Variants in MGST1 observed in about 807,000 individuals in gnomAD.
MGST1 encodes the protein glutathione S-transferase 12.
In MGST1, 5 loss-of-function variants were observed where a neutral mutation model predicts 8.9. The ratio of observed to expected loss-of-function variants is 0.56; its 90% confidence interval spans 0.29 to 1.19. The LOEUF is 1.19. Among genes scored for constraint, MGST1 ranks in the 50% most tolerant of loss-of-function variants. The probability of loss-of-function intolerance (pLI) is 0.08; values close to 1 mark genes in which losing one functional copy is unlikely to be tolerated. For synonymous variants in MGST1, 54 were observed against 67.8 expected (o/e 0.80, Z 1.00); for missense variants, 182 against 187.4 (o/e 0.97, Z 0.17).
In MGST1 at chr12:16,559,599, C is replaced by CAAAG; in HGVS notation, n.483-29927_483-29924dup. Among the ~76,000 whole-genome samples, 1 of 151,920 alleles carries CAAAG rather than the reference C, an allele frequency of 6.6e-6. No individual in the cohort carries two copies. Among genetic ancestry groups the CAAAG allele is most frequent in the Admixed American group, 6.6e-5 (1 of 15,248 alleles). On this transcript the variant is annotated intron_variant and non_coding_transcript_variant, in intron 4 of 4. Coordinates refer to the MGST1 transcript ENST00000538857. This position sits in a 1 kb window ranked among gnomAD's most constrained non-coding sequence, Gnocchi z 4.1. ...TATTAGCTATATCTGGACTGATTCTCAAAGATATTTGAAGTAACTGCAAAA... is the reference window on the plus strand; with the variant it reads ...TATTAGCTATATCTGGACTGATTCTCAAAGAAAGATATTTGAAGTAACTGCAAAA...
At chr12:16,551,921 CTTTG>C (rs924908069) in intron 4 of MGST1, among the ~76,000 whole-genome samples, 6 of 151,874 alleles carry the variant, frequency 4.0e-5, no homozygotes, top group Non-Finnish European at 5.9e-5. Context: ...AGCCATTTTC[CTTTG>C]TTTGTGGCAA....
chr12:16,347,874 G>T lies in MGST1; in HGVS notation c.-23+164G>T, dbSNP rs772564567. 2 of 152,240 alleles carry T rather than the reference G, an allele frequency of 1.3e-5. No homozygotes were observed. Among genetic ancestry groups the T allele is most frequent in the Non-Finnish European group, 2.9e-5 (2 of 68,050 alleles). The allele number at this position is 152,240 out of a possible 1,614,324, so 9.4% of individuals were successfully genotyped here. On this transcript the variant is annotated intron_variant, in intron 1 of 3. Transcript: ENST00000396210. This position sits in a 1 kb window ranked among gnomAD's most constrained non-coding sequence, Gnocchi z 4.0. Reference sequence around the variant, plus strand: ...TTTTCAATCGATCGCTTTTGAAAGGGAATTGTATTTCTGTCCCCGTGCGGG... The same window carrying T: ...TTTTCAATCGATCGCTTTTGAAAGGTAATTGTATTTCTGTCCCCGTGCGGG...
At chr12:16,565,112 A>G in intron 4 of MGST1, among the ~76,000 whole-genome samples, 1 of 152,176 alleles carries the variant, frequency 6.6e-6, no homozygotes, top group Non-Finnish European at 1.5e-5. Flanking sequence ...AATATTAAGG[A>G]TAAGACTAGT....
chr12:16,420,966 A>G (rs1157881103), intron 1 of MGST1, among the ~76,000 whole-genome samples: 1 of 152,120 alleles, frequency 6.6e-6, no homozygotes, highest in African/African-American at 2.4e-5. Context: ...GGTTAGTGGG[A>G]TGCAACACAG....
At chr12:16,593,252 C>G (rs1363669638), downstream of MGST1, among the ~76,000 whole-genome samples, 1 of 151,808 alleles carries the variant, frequency 6.6e-6, no homozygotes, top group Non-Finnish European at 1.5e-5. This position sits in a 1 kb window ranked among gnomAD's most constrained non-coding sequence, Gnocchi z 4.2. Flanking sequence ...TCTGCAAATA[C>G]TCTTTCAATT....
intron 1 of MGST1, chr12:16,400,764 T>C (rs1940648061): frequency 1.6e-6 from 2 of 1,269,792 alleles, no homozygotes; most frequent in Admixed American, 1.7e-5. Flanking sequence ...ATATTCTTGA[T>C]TGTGGCAATG....
intron 4 of MGST1, among the ~76,000 whole-genome samples, chr12:16,540,203 T>C (rs1303388758): frequency 6.6e-6 from 1 of 152,214 alleles, no homozygotes; most frequent in Non-Finnish European, 1.5e-5. Context: ...CTTGGAGCCT[T>C]GATATCTCCT....
chr12:16,502,748 C>T (rs1009418647), intron 4 of MGST1, among the ~76,000 whole-genome samples: 1 of 152,210 alleles, frequency 6.6e-6, no homozygotes, highest in Non-Finnish European at 1.5e-5. Flanking sequence ...GCTCCTCCCC[C>T]TCCCACATAT....
chr12:16,446,798 C>T (rs781196601), intron 4 of MGST1, among the ~76,000 whole-genome samples: 2 of 151,850 alleles, frequency 1.3e-5, no homozygotes, highest in Non-Finnish European at 2.9e-5. Context: ...TTCTGGTATC[C>T]ATCTCCCTTG....
chr12:16,531,813 C>T (rs1941725643), intron 4 of MGST1, among the ~76,000 whole-genome samples: 1 of 152,078 alleles, frequency 6.6e-6, no homozygotes, highest in Admixed American at 6.6e-5. Context: ...CCAAGACTGG[C>T]CCTGGGCTAA....
At chr12:16,494,528 G>T (rs1941458250) in intron 4 of MGST1, among the ~76,000 whole-genome samples, 1 of 152,100 alleles carries the variant, frequency 6.6e-6, no homozygotes, top group Non-Finnish European at 1.5e-5. Context: ...TCTTTGCAAG[G>T]ATATTGACAA....
chr12:16,358,958 A>G (rs1047212230), intron 3 of MGST1, among the ~76,000 whole-genome samples: 5 of 151,776 alleles, frequency 3.3e-5, no homozygotes, highest in African/African-American at 4.8e-5. Flanking sequence ...CTTATGGCAT[A>G]TCATCTCCAG....
intron 4 of MGST1, among the ~76,000 whole-genome samples, chr12:16,457,327 G>A (rs1941182167): frequency 6.6e-6 from 1 of 151,808 alleles, no homozygotes; most frequent in African/African-American, 2.4e-5. Context: ...AAGAAACTTA[G>A]GAGTGTGCTC....
At chr12:16,580,917 G>A (rs1450290900) in intron 4 of MGST1, among the ~76,000 whole-genome samples, 1 of 152,172 alleles carries the variant, frequency 6.6e-6, no homozygotes, top group Admixed American at 6.5e-5. Context: ...TTATGAATAA[G>A]TATACTGTGT....
intron 4 of MGST1, among the ~76,000 whole-genome samples, chr12:16,530,046 A>T (rs549915537): frequency 6.6e-6 from 1 of 152,250 alleles, no homozygotes; most frequent in East Asian, 1.9e-4. Context: ...AACTCAGAGC[A>T]AATAGAATGG....
At position 16,401,125 on chromosome 12, in the gene MGST1, CT is replaced by C. The variant is rs1455213986; in HGVS notation, n.778+17523del. 4 of 1,575,714 alleles carry C rather than the reference CT, an allele frequency of 2.5e-6. No individual in the cohort carries two copies. The Admixed American group carries it at 6.7e-5, about 26-fold the overall frequency. Reference sequence around the variant, plus strand: ...CTCCTCCTTTTCCTCATCTTCGTTCCTTAGGAAAATACCCACATTCTTCACT... The same window carrying C: ...CTCCTCCTTTTCCTCATCTTCGTTCCTAGGAAAATACCCACATTCTTCACT... On this transcript the variant is annotated intron_variant and non_coding_transcript_variant, in intron 1 of 1. Transcript: ENST00000359720. The surrounding 1 kb of genome is among the most constrained non-coding windows in gnomAD (Gnocchi z 4.3).
downstream of MGST1, among the ~76,000 whole-genome samples, chr12:16,364,977 G>C (rs1158836295): frequency 6.6e-6 from 1 of 152,066 alleles, no homozygotes; most frequent in African/African-American, 2.4e-5. The surrounding 1 kb of genome is among the most constrained non-coding windows in gnomAD (Gnocchi z 5.7). Context: ...CTCATTCTTA[G>C]ATTCAGATTA....
rs1037342444 is a variant in MGST1 at position 16,458,259 on chromosome 12, C to T, written n.482+74655C>T. ...AATGGACCCAAACTAAATGACCACT[C>T]ATTACAAGTTTCAATTTAGGAGCTT... On this transcript the variant is annotated intron_variant and non_coding_transcript_variant, in intron 4 of 4. Coordinates refer to the MGST1 transcript ENST00000538857. This position sits in a 1 kb window ranked among gnomAD's most constrained non-coding sequence, Gnocchi z 4.0. Among the ~76,000 whole-genome samples the T allele has an allele frequency of 1.3e-5, 2 of 152,012 alleles. No individual in the cohort carries two copies. The highest frequency in any genetic ancestry group is 4.8e-5 in the African/African-American group (2 of 41,412).
intron 4 of MGST1, among the ~76,000 whole-genome samples, chr12:16,507,542 A>G (rs914259699): frequency 6.6e-6 from 1 of 152,186 alleles, no homozygotes; most frequent in Non-Finnish European, 1.5e-5. Context: ...TCACACTGCT[A>G]TAAAGAACTA....
Sources: allele counts gnomAD v4.1 joint callset (sites outside exome capture counted in the v4.1 genomes callset), GRCh38; gene constraint gnomAD v4.1.1; non-coding constraint Gnocchi (gnomAD v3.1); transcripts MANE v1.5; gene names NCBI Gene and HGNC (gene_info 2026-07-23, HGNC 2026-07-21).